The following TRPM3 variants were observed in gnomAD, a reference collection of about 807,000 sequenced individuals.
TRPM3 encodes long transient receptor potential channel 3.
TRPM3 carries 77 observed loss-of-function variants against 181.2 expected under a neutral mutation model. That is an observed-to-expected ratio of 0.42 (90% CI 0.35 to 0.51). The LOEUF (loss-of-function observed/expected upper bound fraction) is 0.51, where lower values mean the gene tolerates loss of function less well. TRPM3 is among the 20% of genes least tolerant of loss of function. The probability of loss-of-function intolerance (pLI) is 0.01; values close to 1 mark genes in which losing one functional copy is unlikely to be tolerated. For missense variants in TRPM3, 1,759 were observed against 2,196.7 expected (o/e 0.80, Z 3.98); for synonymous variants, 745 against 796.4 (o/e 0.94, Z 1.09).
At chr9:71,266,745 T>C (rs920474215) in intron 1 of TRPM3, among the ~76,000 whole-genome samples, 6 of 152,316 alleles carry the variant, frequency 3.9e-5, no homozygotes, top group Non-Finnish European at 5.9e-5. Context: ...TGAAACTTTA[T>C]GTCCATTGAT....
chr9:71,310,317 T>C (rs1588427046), intron 1 of TRPM3, among the ~76,000 whole-genome samples: 1 of 152,068 alleles, frequency 6.6e-6, no homozygotes, highest in Non-Finnish European at 1.5e-5. Flanking sequence ...AAATGTACTA[T>C]AATCTTGAAA....
At chr9:70,812,792 G>GA (rs201103826) in intron 6 of TRPM3, among the ~76,000 whole-genome samples, 27 of 151,810 alleles carry the variant, frequency 1.8e-4, no homozygotes, top group Non-Finnish European at 3.2e-4. Flanking sequence ...AAACTCTAAT[G>GA]AAAAAAAATT....
chr9:71,154,898 A>T (rs1454929206), intron 1 of TRPM3, among the ~76,000 whole-genome samples: 2 of 152,192 alleles, frequency 1.3e-5, no homozygotes, highest in Admixed American at 1.3e-4. Context: ...TAAACTACAG[A>T]AATACATCTG....
intron 1 of TRPM3, among the ~76,000 whole-genome samples, chr9:71,223,377 G>T (rs568616350): frequency 6.6e-6 from 1 of 152,140 alleles, no homozygotes; most frequent in African/African-American, 2.4e-5. Flanking sequence ...TAAAAGCCTT[G>T]AGGCCCTGAA....
chr9:71,405,484 C>A lies in TRPM3; in HGVS notation c.183+41169G>T, dbSNP rs181213738. Among the ~76,000 whole-genome samples, 4 of 152,170 alleles carry A rather than the reference C, an allele frequency of 2.6e-5. No individual in the cohort carries two copies. In the East Asian group the frequency reaches 7.7e-4, roughly 29 times the overall value. On this transcript the variant is annotated intron_variant, in intron 1 of 24. Transcript: ENST00000357533. ...TATTCTCATATAAACAAAATCTTAA[C>A]CTGAAATTTGATTCATACACATGAT... is the stretch of plus-strand genomic sequence containing the variant.
intron 1 of TRPM3, among the ~76,000 whole-genome samples, chr9:71,170,601 T>G (rs1057087374): frequency 1.2e-4 from 18 of 152,334 alleles, no homozygotes; most frequent in South Asian, 4.1e-4. Flanking sequence ...TTGTAATTTC[T>G]TATGCCTGTC....
Position 71,270,072 on chromosome 9 carries a change from C to T in TRPM3, c.183+176581G>A, listed in dbSNP as rs184108232. Among the ~76,000 whole-genome samples, 7 of 152,248 alleles carry T rather than the reference C, an allele frequency of 4.6e-5. No individual in the cohort carries two copies. The South Asian group carries it at 1.2e-3, about 27-fold the overall frequency. ...ATTGTATTTTTGTTCAATATGTAGTCATGCAGTTAATGTCACTCCTCTGCT... is the reference window on the plus strand; with the variant it reads ...ATTGTATTTTTGTTCAATATGTAGTTATGCAGTTAATGTCACTCCTCTGCT... On this transcript the variant is annotated intron_variant, in intron 1 of 24. Transcript: ENST00000357533.
At chr9:70,995,929 A>G (rs1301386071) in intron 1 of TRPM3, among the ~76,000 whole-genome samples, 1 of 152,128 alleles carries the variant, frequency 6.6e-6, no homozygotes, top group East Asian at 1.9e-4. Context: ...TTTTCCCTCT[A>G]TAATTCCCTG....
intron 1 of TRPM3, among the ~76,000 whole-genome samples, chr9:71,042,216 G>A (rs2132978011): frequency 6.6e-6 from 1 of 152,016 alleles, no homozygotes; most frequent in East Asian, 1.9e-4. Flanking sequence ...AAAAAAAGGT[G>A]AGGGAAAGGG....
At chr9:70,634,188 C>T (rs2133445660) in intron 12 of TRPM3, among the ~76,000 whole-genome samples, 1 of 152,314 alleles carries the variant, frequency 6.6e-6, no homozygotes, top group South Asian at 2.1e-4. Flanking sequence ...TGGCTCACTG[C>T]AGCCTCCACC....
intron 9 of TRPM3, among the ~76,000 whole-genome samples, chr9:70,663,716 A>G (rs2061434472): frequency 6.6e-6 from 1 of 152,166 alleles, no homozygotes; most frequent in South Asian, 2.1e-4. Context: ...TAGGTAATTT[A>G]TCTCTGGTAT....
At chr9:70,981,252 T>A (rs577595207) in intron 1 of TRPM3, among the ~76,000 whole-genome samples, 3 of 152,242 alleles carry the variant, frequency 2.0e-5, no homozygotes, top group African/African-American at 7.2e-5. Context: ...TGCAGTTTTA[T>A]AGCGTAGAAG....
intron 6 of TRPM3, among the ~76,000 whole-genome samples, chr9:70,807,506 G>A (rs62545985): frequency 0.033 from 5,048 of 151,910 alleles, 103 homozygotes; most frequent in Middle Eastern, 0.058. Flanking sequence ...GTATCTAGTC[G>A]CTTCTATTAC....
intron 1 of TRPM3, among the ~76,000 whole-genome samples, chr9:71,015,901 T>TA (rs1037898994): frequency 6.6e-6 from 1 of 151,182 alleles, no homozygotes; most frequent in Non-Finnish European, 1.5e-5. Context: ...ACAAGAGAGG[T>TA]AAAAAAAATT....
intron 1 of TRPM3, among the ~76,000 whole-genome samples, chr9:71,439,282 C>T (rs2094096528): frequency 6.6e-6 from 1 of 152,196 alleles, no homozygotes; most frequent in Non-Finnish European, 1.5e-5. Flanking sequence ...AACAACATCT[C>T]CTGTCAAACA....
At chr9:71,154,473 T>C (rs1007893866) in intron 1 of TRPM3, among the ~76,000 whole-genome samples, 1 of 152,148 alleles carries the variant, frequency 6.6e-6, no homozygotes, top group Non-Finnish European at 1.5e-5. Flanking sequence ...CCTGAACCTA[T>C]TGTTATTTAA....
chr9:70,744,451 T>C (rs537110474), intron 8 of TRPM3, among the ~76,000 whole-genome samples: 1 of 152,322 alleles, frequency 6.6e-6, no homozygotes, highest in East Asian at 1.9e-4. Context: ...ATAATTCTTG[T>C]CTCATTGTTA....
intron 18 of TRPM3, among the ~76,000 whole-genome samples, chr9:70,612,013 G>C (rs957070910): frequency 2.0e-5 from 3 of 152,170 alleles, no homozygotes; most frequent in Admixed American, 6.5e-5. Context: ...CTGAGACTTA[G>C]TTTCTTTAAC....
intron 6 of TRPM3, chr9:70,809,925 G>A: frequency 1.9e-6 from 1 of 531,524 alleles, no homozygotes; most frequent in South Asian, 1.4e-5. Flanking sequence ...AAAATTTCAT[G>A]TCATGGTTAT....
Sources: allele counts gnomAD v4.1 joint callset (sites outside exome capture counted in the v4.1 genomes callset), GRCh38; gene constraint gnomAD v4.1.1; transcripts MANE v1.5; gene names NCBI Gene and HGNC (gene_info 2026-07-23, HGNC 2026-07-21).